PCDHA9: variants seen among roughly 807,000 people sequenced by gnomAD.
The protein encoded by PCDHA9 is protocadherin alpha-9.
In PCDHA9, 62 loss-of-function variants were observed where a neutral mutation model predicts 62.0. The ratio of observed to expected loss-of-function variants is 1.00; its 90% CI spans 0.81 to 1.23. The LOEUF (loss-of-function observed/expected upper bound fraction) is 1.23, where lower values mean the gene tolerates loss of function less well. Among genes scored for constraint, PCDHA9 ranks in the 50% most tolerant of loss-of-function variants. The pLI is 0.00. For synonymous variants in PCDHA9, 557 were observed against 567.6 expected (o/e 0.98, Z 0.27); for missense variants, 1,205 against 1,249.8 (o/e 0.96, Z 0.54).
chr5:140,967,090 G>A (rs1320117719), intron 1 of PCDHA9: 2 of 1,613,240 alleles, frequency 1.2e-6, no homozygotes, highest in African/African-American at 2.7e-5. Context: ...TTGATCGGGA[G>A]GCGCTGTGTG....
intron 1 of PCDHA9, chr5:140,884,345 C>A (rs782318945): frequency 1.2e-6 from 2 of 1,613,916 alleles, no homozygotes; most frequent in African/African-American, 2.7e-5. Flanking sequence ...AGAAGCGGCG[C>A]TGGTGGATGT....
At chr5:140,885,297 T>G (rs565705321) in intron 1 of PCDHA9, among the ~76,000 whole-genome samples, 30 of 152,302 alleles carry the variant, frequency 2.0e-4, no homozygotes, top group Admixed American at 5.9e-4. Context: ...GAGAGAGACC[T>G]GGTAGGCTTT....
chr5:140,925,905 G>A (rs1241819632), intron 1 of PCDHA9, among the ~76,000 whole-genome samples: 1 of 151,822 alleles, frequency 6.6e-6, no homozygotes, highest in Admixed American at 6.6e-5. Flanking sequence ...GATCGTCAAG[G>A]GCCGTTTGCA....
At chr5:140,922,866 G>GA (rs557650266) in intron 1 of PCDHA9, among the ~76,000 whole-genome samples, 1 of 152,096 alleles carries the variant, frequency 6.6e-6, no homozygotes. Flanking sequence ...TAGACAAGGG[G>GA]AAAAAATCCA....
intron 1 of PCDHA9, among the ~76,000 whole-genome samples, chr5:140,917,334 G>A (rs1466426021): frequency 1.4e-5 from 2 of 147,744 alleles, no homozygotes; most frequent in Admixed American, 1.4e-4. Flanking sequence ...CGGGGGAGGG[G>A]GGGGATGGTG....
At chr5:140,910,794 T>A (rs1431401808) in intron 1 of PCDHA9, among the ~76,000 whole-genome samples, 5 of 152,166 alleles carry the variant, frequency 3.3e-5, no homozygotes, top group Non-Finnish European at 7.3e-5. Flanking sequence ...AAATGCAGAA[T>A]CCCTGCTTAG....
intron 1 of PCDHA9, among the ~76,000 whole-genome samples, chr5:140,938,233 A>AC (rs1329361250): frequency 6.6e-6 from 1 of 152,210 alleles, no homozygotes; most frequent in African/African-American, 2.4e-5. Context: ...GGCATAGGCC[A>AC]CCATGCCTGG....
chr5:140,906,827 G>C (rs2153497509), intron 1 of PCDHA9, among the ~76,000 whole-genome samples: 1 of 152,308 alleles, frequency 6.6e-6, no homozygotes, highest in South Asian at 2.1e-4. Flanking sequence ...TGGAGTAGTA[G>C]ACTGATTTCA....
At chr5:140,975,472 A>G (rs1012106018) in intron 1 of PCDHA9, among the ~76,000 whole-genome samples, 2 of 152,250 alleles carry the variant, frequency 1.3e-5, no homozygotes, top group African/African-American at 4.8e-5. Flanking sequence ...AATTCTGCCT[A>G]TCAGTTTATA....
intron 1 of PCDHA9, chr5:140,928,449 G>A (rs1225507568): frequency 3.7e-6 from 6 of 1,614,136 alleles, no homozygotes; most frequent in Non-Finnish European, 5.1e-6. Context: ...AGCAGCTCAG[G>A]GGGTTTCATT....
intron 3 of PCDHA9, among the ~76,000 whole-genome samples, chr5:141,008,201 A>T (rs2098364434): frequency 6.6e-6 from 1 of 152,212 alleles, no homozygotes; most frequent in Admixed American, 6.5e-5. Context: ...TAATATAATG[A>T]ACTTGACATG....
intron 1 of PCDHA9, among the ~76,000 whole-genome samples, chr5:140,917,523 G>A (rs1201312809): frequency 2.0e-5 from 3 of 152,182 alleles, no homozygotes; most frequent in Non-Finnish European, 4.4e-5. Context: ...TTATTCTACG[G>A]TTTGTATAGT....
intron 1 of PCDHA9, chr5:140,882,397 C>T (rs1554173926): frequency 6.2e-7 from 1 of 1,614,190 alleles, no homozygotes; most frequent in South Asian, 1.1e-5. Flanking sequence ...AACACGGCAC[C>T]TTCGTGGGCC....
At chr5:140,856,326 A>G in intron 1 of PCDHA9, 1 of 1,598,548 alleles carries the variant, frequency 6.3e-7, no homozygotes, top group Non-Finnish European at 8.6e-7. Context: ...GACCGCGAGG[A>G]GCTGTGCGGG....
chr5:140,961,027 C>G (rs1222428259), intron 1 of PCDHA9, among the ~76,000 whole-genome samples: 1 of 152,164 alleles, frequency 6.6e-6, no homozygotes, highest in Non-Finnish European at 1.5e-5. Flanking sequence ...CTTGCTACCT[C>G]CTTGTTTTGA....
At chr5:140,977,246 C>T (rs939682133) in intron 1 of PCDHA9, among the ~76,000 whole-genome samples, 1 of 152,172 alleles carries the variant, frequency 6.6e-6, no homozygotes, top group Non-Finnish European at 1.5e-5. Flanking sequence ...AAATTGGCAA[C>T]ATTTCTCAGC....
At chr5:140,862,828 G>A in intron 1 of PCDHA9, 1 of 572,818 alleles carries the variant, frequency 1.7e-6, no homozygotes, top group Non-Finnish European at 3.3e-6. Context: ...GAGAGCGCGC[G>A]ACGCGGGCAT....
intron 1 of PCDHA9, among the ~76,000 whole-genome samples, chr5:140,951,285 A>T (rs1267785922): frequency 6.6e-6 from 1 of 152,100 alleles, no homozygotes; most frequent in East Asian, 1.9e-4. Context: ...GTAATTTTGG[A>T]TTATATCTTG....
chr5:140,967,986 C>A, intron 1 of PCDHA9: 1 of 1,614,226 alleles, frequency 6.2e-7, no homozygotes, highest in Non-Finnish European at 8.5e-7. Flanking sequence ...CTGGAGGCCA[C>A]ACTGCCTTTC....
Sources: gnomAD v4.1 joint callset for allele counts (sites outside exome capture counted in the v4.1 genomes callset) on GRCh38, gnomAD v4.1.1 for gene constraint, MANE v1.5 for transcripts, NCBI Gene and HGNC (gene_info 2026-07-23, HGNC 2026-07-21) for gene names.